ADGRA3: variants seen among roughly 807,000 people sequenced by gnomAD.
The protein encoded by ADGRA3 is G-protein coupled receptor 125.
In ADGRA3, 56 loss-of-function variants were observed where a neutral mutation model predicts 119.8. The observed-to-expected ratio is 0.47, with a 90% confidence interval of 0.38 to 0.58. ADGRA3 has a LOEUF of 0.58. Ranked by LOEUF, ADGRA3 falls within the 20% of genes least tolerant of loss-of-function variation. ADGRA3 has a pLI of 0.00. For synonymous variants in ADGRA3, 607 were observed against 623.8 expected, an observed-to-expected ratio of 0.97 and a Z score of 0.40; for missense variants, 1,516 against 1,649.0, an observed-to-expected ratio of 0.92 and a Z score of 1.40.
At chr4:22,419,345 A>G (rs1225005124) in intron 12 of ADGRA3, among the ~76,000 whole-genome samples, 1 of 152,184 alleles carries the variant, frequency 6.6e-6, no homozygotes, top group Non-Finnish European at 1.5e-5. Flanking sequence ...AAGCTTAACC[A>G]CATTTTATGC....
intron 1 of ADGRA3, among the ~76,000 whole-genome samples, chr4:22,501,849 G>T (rs2109171076): frequency 6.6e-6 from 1 of 151,618 alleles, no homozygotes; most frequent in Admixed American, 6.6e-5. Context: ...GTTTCTGTCT[G>T]TGGTTGCTAA....
intron 5 of ADGRA3, among the ~76,000 whole-genome samples, chr4:22,446,238 C>T (rs1032167394): frequency 1.3e-5 from 2 of 152,108 alleles, no homozygotes; most frequent in Non-Finnish European, 2.9e-5. Flanking sequence ...AGAAGGAGGA[C>T]GTGACAGACT....
At chr4:22,424,129 C>A in intron 11 of ADGRA3, 62 bp downstream of exon 11, 1 of 1,412,650 alleles carries the variant, frequency 7.1e-7, no homozygotes, top group Non-Finnish European at 9.5e-7. Flanking sequence ...CTATCTCTTT[C>A]GGGTGAGAGC....
intron 1 of ADGRA3, among the ~76,000 whole-genome samples, chr4:22,478,395 C>G (rs1238164564): frequency 6.6e-6 from 1 of 152,176 alleles, no homozygotes; most frequent in Non-Finnish European, 1.5e-5. Flanking sequence ...CTGTTGACAA[C>G]ACTCACACCT....
intron 1 of ADGRA3, 31 bp from the exon 2 acceptor site, chr4:22,473,874 C>T: frequency 7.9e-7 from 1 of 1,267,876 alleles, no homozygotes; most frequent in African/African-American, 1.5e-5. Flanking sequence ...AATAAGTTGC[C>T]TAATATACAC....
intron 2 of ADGRA3, among the ~76,000 whole-genome samples, chr4:22,463,774 G>A (rs1717559737): frequency 6.6e-6 from 1 of 152,200 alleles, no homozygotes; most frequent in South Asian, 2.1e-4. Context: ...AGCATCCTGA[G>A]GAGGTTGGCC....
chr4:22,485,735 C>T (rs1477559781), intron 1 of ADGRA3, among the ~76,000 whole-genome samples: 4 of 152,158 alleles, frequency 2.6e-5, no homozygotes, highest in African/African-American at 9.7e-5. Context: ...GATGGAGACA[C>T]AAAAGATACC....
intron 12 of ADGRA3, 55 bp from the exon 13 acceptor site, chr4:22,413,869 GA>G (rs1405937515): frequency 5.2e-6 from 6 of 1,161,112 alleles, no homozygotes; most frequent in Non-Finnish European, 7.2e-6. Context: ...ATAGAAACCA[GA>G]AAAAAATATG....
In ADGRA3 at chr4:22,436,581, G is replaced by A; in HGVS notation, c.1146C>T (p.Gly382=). The A allele has an allele frequency of 6.2e-7, 1 of 1,614,054 alleles. No individual in the cohort carries two copies. Among genetic ancestry groups the A allele is most frequent in the Non-Finnish European group, 8.5e-7 (1 of 1,179,972 alleles). The change falls in exon 9 of 19, where the codon GGC becomes GGT. Residue 382 remains glycine, a synonymous_variant. Coordinates refer to ENST00000334304, the MANE Select transcript of ADGRA3 (RefSeq NM_145290.4). ...GTGGGTTTCCGGGATATATCCCACTGCCATGGGTGTTCCGCGTACACTGCA... is the reference window on the plus strand; with the variant it reads ...GTGGGTTTCCGGGATATATCCCACTACCATGGGTGTTCCGCGTACACTGCA... ...AYLQCTRNTH[G]SGIYPGNPQD... is the part of the protein sequence containing the mutation.
chr4:22,512,727 A>G (rs145315910), intron 1 of ADGRA3, among the ~76,000 whole-genome samples: 11 of 152,290 alleles, frequency 7.2e-5, no homozygotes, highest in Non-Finnish European at 1.5e-4. Flanking sequence ...AATTCTTCCT[A>G]AAGTCCTCAG....
chr4:22,472,171 C>G (rs920524575), intron 2 of ADGRA3, among the ~76,000 whole-genome samples: 6 of 152,180 alleles, frequency 3.9e-5, no homozygotes, highest in Non-Finnish European at 8.8e-5. Context: ...ATCAACTAAG[C>G]ACATACTAAA....
chr4:22,425,064 G>C (rs116546646), intron 10 of ADGRA3, among the ~76,000 whole-genome samples: 1,878 of 146,408 alleles, frequency 0.013, 40 homozygotes, highest in African/African-American at 0.045. Flanking sequence ...AACAGAGTGA[G>C]ACACTCTTAA....
At chr4:22,393,031 T>TTC in intron 16 of ADGRA3, 1 of 160,210 alleles carries the variant, frequency 6.2e-6, no homozygotes, top group Non-Finnish European at 1.3e-5. Context: ...TCATTTTCTT[T>TTC]TTTTTTTTTT....
chr4:22,514,722 T>A (rs1338808999), intron 1 of ADGRA3: 1 of 152,200 alleles, frequency 6.6e-6, no homozygotes, highest in Non-Finnish European at 1.5e-5. Context: ...CGACAGTCAC[T>A]GGGGCCAACT....
intron 1 of ADGRA3, among the ~76,000 whole-genome samples, chr4:22,480,242 G>A (rs983767386): frequency 6.6e-6 from 1 of 152,178 alleles, no homozygotes; most frequent in Admixed American, 6.5e-5. Flanking sequence ...ATCAAATAAA[G>A]GGATGTACGA....
At chr4:22,398,094 T>G in intron 16 of ADGRA3, 1 of 985,392 alleles carries the variant, frequency 1.0e-6, no homozygotes, top group Non-Finnish European at 1.2e-6. Context: ...AGACCCATCA[T>G]CTGACTTCTT....
intron 1 of ADGRA3, among the ~76,000 whole-genome samples, chr4:22,482,506 A>T (rs1577375155): frequency 7.3e-6 from 1 of 137,132 alleles, no homozygotes. Context: ...AAAAAAAAAA[A>T]GTAAAGACAA....
intron 12 of ADGRA3, among the ~76,000 whole-genome samples, chr4:22,416,306 G>C (rs897258607): frequency 6.6e-6 from 1 of 152,044 alleles, no homozygotes; most frequent in Non-Finnish European, 1.5e-5. Flanking sequence ...ACGAATGAGA[G>C]GTAATAAAGT....
chr4:22,397,955 A>G lies in ADGRA3; in HGVS notation c.2481+3476T>C, dbSNP rs75128766. The G allele has an allele frequency of 1.4e-3, 546 of 399,812 alleles. 11 individuals carry two copies. In the East Asian group the frequency reaches 0.041, roughly 30 times the overall value. 24.8% of individuals were successfully genotyped at this position (399,812 alleles called of 1,614,324 possible). The stretch of plus-strand genomic sequence containing the variant: ...ACAGAATAACACTGGGGGATACAGG[A>G]ACAGAATCTCCGAAACAGTAACAAT... On this transcript the variant is annotated intron_variant, in intron 16 of 18. Coordinates refer to ENST00000334304, the MANE Select transcript of ADGRA3 (RefSeq NM_145290.4).
Sources: allele counts gnomAD v4.1 joint callset (sites outside exome capture counted in the v4.1 genomes callset), GRCh38; gene constraint gnomAD v4.1.1; transcripts MANE v1.5; gene names NCBI Gene and HGNC (gene_info 2026-07-23, HGNC 2026-07-21).